VPS54: variants seen among roughly 807,000 people sequenced by gnomAD.
The protein encoded by VPS54 is vacuolar protein sorting-associated protein 54.
In VPS54, 45 loss-of-function variants were observed where a neutral mutation model predicts 121.5. The ratio of observed to expected loss-of-function variants is 0.37; its 90% CI spans 0.29 to 0.47. VPS54 has a LOEUF of 0.47. Ranked by LOEUF, VPS54 falls within the 20% of genes least tolerant of loss-of-function variation. The pLI, the probability that VPS54 is intolerant of heterozygous loss-of-function variation, is 0.99. For synonymous variants in VPS54, 371 were observed against 385.8 expected, an observed-to-expected ratio of 0.96 and a Z score of 0.45; for missense variants, 1,090 against 1,131.4, an observed-to-expected ratio of 0.96 and a Z score of 0.52.
intron 8 of VPS54, 76 bp downstream of exon 8, chr2:63,948,961 A>C (rs926470388): frequency 3.1e-5 from 48 of 1,548,796 alleles, no homozygotes; most frequent in Non-Finnish European, 4.1e-5. Flanking sequence ...TGATTCCTAT[A>C]ATCTGAGAAA....
chr2:63,901,849 C>T lies in VPS54; in HGVS notation c.2626-2268G>A, dbSNP rs187199971. 9.8e-3 allele frequency among the ~76,000 whole-genome samples: 1,485 copies of T among 152,126 alleles called. 9 individuals carry two copies. The highest frequency in any genetic ancestry group is 0.015 in the Non-Finnish European group (997 of 67,990). ...TGGCCAACATGGTAAAACCCTGTCT[C>T]TACTAAAAATACAAAATTAGCTGGG... On this transcript the variant is annotated intron_variant, in intron 20 of 22. Transcript: ENST00000272322.
intron 11 of VPS54, among the ~76,000 whole-genome samples, chr2:63,937,600 A>G (rs1674508652): frequency 1.3e-5 from 2 of 152,308 alleles, no homozygotes; most frequent in East Asian, 3.9e-4. Flanking sequence ...TCAGAAAATT[A>G]CAAATAGGAT....
At position 63,921,237 on chromosome 2, in the gene VPS54, C is replaced by A. The variant is rs772193651; in HGVS notation, c.1838G>T (p.Arg613Leu). 1 of 1,609,216 alleles carries A rather than the reference C, an allele frequency of 6.2e-7. No individual in the cohort carries two copies. The highest frequency in any genetic ancestry group is 8.5e-7 in the Non-Finnish European group (1 of 1,177,204). The change falls in exon 13 of 23, where the codon CGA becomes CTA. Residue 613 changes from arginine (R) to leucine (L), a missense_variant. By Grantham distance (102) the Arg-to-Leu change is moderately radical. Around this residue, in one of 2 missense-constraint regions of VPS54, gnomAD observed 801 missense variants for 757.0 expected, o/e 1.06. Coordinates refer to ENST00000272322, the MANE Select transcript of VPS54 (RefSeq NM_016516.3). ...LYSASDICHDRAVKFLMSRAK... is the reference protein window; with the variant it reads ...LYSASDICHDLAVKFLMSRAK... ...TCTTGACATGAGAAATTTGACAGCT[C>A]GATCATGGCATATATCTGAGGCACT... is the stretch of plus-strand genomic sequence containing the variant.
intron 13 of VPS54, 138 bp downstream of exon 13, chr2:63,921,068 C>T (rs1172652951): frequency 1.7e-5 from 14 of 828,094 alleles, no homozygotes; most frequent in Non-Finnish European, 2.4e-5. Context: ...CCTAGTAGAC[C>T]ACATCAGTGG....
chr2:63,987,339 T>C (rs148108501), intron 1 of VPS54, among the ~76,000 whole-genome samples: 1,599 of 152,336 alleles, frequency 0.01, 15 homozygotes, highest in Non-Finnish European at 0.017. Flanking sequence ...AAGATTGTCC[T>C]TTGTTAAGAA....
At chr2:63,939,311 G>T (rs1357712424) in intron 11 of VPS54, among the ~76,000 whole-genome samples, 1 of 152,046 alleles carries the variant, frequency 6.6e-6, no homozygotes, top group African/African-American at 2.4e-5. Flanking sequence ...GGCAGAGATT[G>T]AAGTGAGCTG....
intron 20 of VPS54, among the ~76,000 whole-genome samples, chr2:63,906,852 A>G (rs545290685): frequency 6.6e-6 from 1 of 152,338 alleles, no homozygotes; most frequent in South Asian, 2.1e-4. Flanking sequence ...TGATAAGCTG[A>G]TATAAAATTT....
At position 63,981,807 on chromosome 2, in the gene VPS54, G is replaced by A. The variant is rs1676812888; in HGVS notation, c.217C>T (p.Leu73Phe). 6.2e-7 allele frequency: 1 copy of A among 1,613,740 alleles called. No individual in the cohort carries two copies. The highest frequency in any genetic ancestry group is 8.5e-7 in the Non-Finnish European group (1 of 1,179,794). ...RWTVYHSKVN[L>F]PAALNDPRLA... is the part of the protein sequence containing the mutation. ...CTAGGATCGTTTAATGCTGCTGGGAGATTTACTTTGGAATGATATACAGTC... is the reference window on the plus strand; with the variant it reads ...CTAGGATCGTTTAATGCTGCTGGGAAATTTACTTTGGAATGATATACAGTC... Residue 73 changes from leucine to phenylalanine, a missense_variant, in exon 3 of 23, where the codon CTC becomes TTC. Physicochemically the swap from Leu to Phe is conservative, Grantham distance 22. Coordinates refer to ENST00000272322, the MANE Select transcript of VPS54 (RefSeq NM_016516.3).
intron 3 of VPS54, among the ~76,000 whole-genome samples, chr2:63,981,258 C>T (rs1041329914): frequency 4.5e-4 from 68 of 152,062 alleles, no homozygotes; most frequent in African/African-American, 1.6e-3. Flanking sequence ...TTATAACTAT[C>T]TGCTAGAGCT....
At chr2:63,898,783 T>TAA (rs200391101) in intron 21 of VPS54, among the ~76,000 whole-genome samples, 2 of 145,240 alleles carry the variant, frequency 1.4e-5, no homozygotes, top group East Asian at 2.0e-4. Context: ...AAGCTGAGAT[T>TAA]AAAAAAAAAA....
At chr2:63,967,004 A>C (rs148501246) in intron 5 of VPS54, among the ~76,000 whole-genome samples, 1 of 152,340 alleles carries the variant, frequency 6.6e-6, no homozygotes, top group East Asian at 1.9e-4. Context: ...TATATCATGC[A>C]TACTTAATTA....
chr2:63,921,172 T>A (rs1673626088), intron 13 of VPS54, 34 bp downstream of exon 13: 1 of 1,576,972 alleles, frequency 6.3e-7, no homozygotes, highest in Non-Finnish European at 8.6e-7. Context: ...AATTATTACG[T>A]ATAAAATATA....
intron 18 of VPS54, 41 bp from the exon 19 acceptor site, chr2:63,912,702 A>C (rs1673205331): frequency 6.5e-7 from 1 of 1,539,378 alleles, no homozygotes; most frequent in African/African-American, 1.4e-5. Flanking sequence ...AGAAATAAAA[A>C]AAAAAAAGGT....
chr2:63,933,772 C>T lies in VPS54; in HGVS notation c.1640G>A (p.Cys547Tyr). The T allele has an allele frequency of 6.2e-7, 1 of 1,613,892 alleles. No homozygotes were observed. The highest frequency in any genetic ancestry group is 8.5e-7 in the Non-Finnish European group (1 of 1,179,858). Residue 547 changes from cysteine (C) to tyrosine (Y), a missense_variant, in exon 12 of 23, where the codon TGC becomes TAC. Physicochemically the swap from Cys to Tyr is radical, Grantham distance 194. Around this residue, in one of 2 missense-constraint regions of VPS54, gnomAD observed 801 missense variants for 757.0 expected, o/e 1.06. Transcript: ENST00000272322. ...QRNASPNSEP[C>Y]SSDSVSEPEC... ...TGGCTCGGATACAGAATCACTGCTGCAGGGCTCACTATTTGGAGATGCATT... is the reference window on the plus strand; with the variant it reads ...TGGCTCGGATACAGAATCACTGCTGTAGGGCTCACTATTTGGAGATGCATT...
chr2:63,911,420 T>TC (rs1255082669), intron 20 of VPS54, among the ~76,000 whole-genome samples: 1 of 152,154 alleles, frequency 6.6e-6, no homozygotes, highest in African/African-American at 2.4e-5. Context: ...TTCCCAGAAG[T>TC]CAGAGACCCT....
chr2:63,901,994 G>A (rs1330664425), intron 20 of VPS54, among the ~76,000 whole-genome samples: 3 of 152,068 alleles, frequency 2.0e-5, no homozygotes, highest in Non-Finnish European at 4.4e-5. Context: ...CAGCCTGGGA[G>A]ACAAGAGCAA....
chr2:63,904,020 T>C (rs759789140), intron 20 of VPS54, among the ~76,000 whole-genome samples: 6 of 151,988 alleles, frequency 3.9e-5, no homozygotes, highest in Admixed American at 6.6e-5. Context: ...AAATAAGGCA[T>C]AGATATGTTA....
At chr2:63,970,850 C>A (rs555092857) in intron 4 of VPS54, among the ~76,000 whole-genome samples, 1 of 152,220 alleles carries the variant, frequency 6.6e-6, no homozygotes, top group East Asian at 1.9e-4. Context: ...CTTCCCTGGG[C>A]AATCTCACCC....
At chr2:63,954,514 T>C (rs1432138975) in intron 7 of VPS54, among the ~76,000 whole-genome samples, 1 of 152,074 alleles carries the variant, frequency 6.6e-6, no homozygotes, top group East Asian at 1.9e-4. Flanking sequence ...ACCAAATAAT[T>C]GTTATAGGGA....
Sources: gnomAD v4.1 joint callset for allele counts (sites outside exome capture counted in the v4.1 genomes callset) on GRCh38, gnomAD v4.1.1 for gene constraint, gnomAD v4.1.1 regional missense constraint, MANE v1.5 for transcripts, NCBI Gene and HGNC (gene_info 2026-07-23, HGNC 2026-07-21) for gene names.